Variants in GALNT18 observed in about 807,000 individuals in gnomAD.
GALNT18 encodes GalNAc-transferase 18.
GALNT18 carries 44 observed loss-of-function variants against 69.5 expected under a neutral mutation model. That is an observed-to-expected ratio of 0.63 (90% confidence interval 0.50 to 0.81). The LOEUF (loss-of-function observed/expected upper bound fraction) is 0.81. Ranked by LOEUF, GALNT18 falls within the 40% of genes least tolerant of loss-of-function variation. GALNT18 has a pLI of 0.00. For missense variants in GALNT18, 715 were observed against 810.0 expected (o/e 0.88, Z 1.42); for synonymous variants, 364 against 318.2 (o/e 1.14, Z -1.53).
intron 1 of GALNT18, among the ~76,000 whole-genome samples, chr11:11,450,508 A>T (rs925664559): frequency 2.6e-5 from 4 of 152,212 alleles, no homozygotes; most frequent in Non-Finnish European, 4.4e-5. Flanking sequence ...GGCTATCAAG[A>T]GTAGAAGGGG....
chr11:11,350,023 T>C (rs1268247594), intron 6 of GALNT18, among the ~76,000 whole-genome samples: 1 of 152,226 alleles, frequency 6.6e-6, no homozygotes, highest in African/African-American at 2.4e-5. Flanking sequence ...AAGCAGTTCC[T>C]CTGTTTGAAA....
At position 11,318,916 on chromosome 11, in the gene GALNT18, T is replaced by C. The variant is rs1185107929; in HGVS notation, c.1512+8170A>G. On this transcript the variant is annotated intron_variant, in intron 9 of 10. Transcript: ENST00000227756. The surrounding 1 kb of genome is among the most constrained non-coding windows in gnomAD (Gnocchi z 5.1). ...TGATTCTCTCTCAGACACTATGAAG[T>C]TGTATGCTAACTCCTAGATTTCTGT... Among the ~76,000 whole-genome samples the C allele has an allele frequency of 6.6e-6, 1 of 152,200 alleles. No homozygotes were observed.
chr11:11,359,701 C>T (rs895848470), intron 6 of GALNT18, among the ~76,000 whole-genome samples: 52 of 152,294 alleles, frequency 3.4e-4, no homozygotes, highest in African/African-American at 1.3e-3. Flanking sequence ...TGAAATGGTA[C>T]GGTGGTCATT....
intron 1 of GALNT18, among the ~76,000 whole-genome samples, chr11:11,477,287 G>A (rs962627710): frequency 6.6e-6 from 1 of 152,238 alleles, no homozygotes; most frequent in African/African-American, 2.4e-5. Flanking sequence ...AAGCCACTAT[G>A]AGGGACCAAA....
chr11:11,581,892 A>G (rs888985184), intron 1 of GALNT18, among the ~76,000 whole-genome samples: 6 of 151,996 alleles, frequency 3.9e-5, no homozygotes, highest in African/African-American at 1.4e-4. Context: ...TCAACATCTA[A>G]TTATTGAAAG....
chr11:11,270,985 C>T lies in GALNT18; in HGVS notation c.*159G>A. The stretch of plus-strand genomic sequence containing the variant: ...CCATCACCTACCAATCAGCATCTTT[C>T]TATAAACTCCATGAAAATTGAATAG... On this transcript the variant is annotated 3_prime_UTR_variant, in exon 11 of 11. Transcript: ENST00000227756. The T allele has an allele frequency of 1.7e-6, 1 of 595,728 alleles. No individual in the cohort carries two copies. Among genetic ancestry groups the T allele is most frequent in the Non-Finnish European group, 2.8e-6 (1 of 352,284 alleles). The allele number at this position is 595,728 out of a possible 1,614,324, so 36.9% of individuals were successfully genotyped here. A position where few individuals can be genotyped will look rare whatever the true frequency, so the allele number is the denominator to read the frequency against.
chr11:11,480,060 A>G lies in GALNT18; in HGVS notation c.236-31124T>C, dbSNP rs1410816068. ...AGATGGGAGAGTTTGTAGATCTTGG[A>G]GCGGGGAGGGGGTACAGGAGGCAGA... On this transcript the variant is annotated intron_variant, in intron 1 of 10. Coordinates refer to ENST00000227756, the MANE Select transcript of GALNT18 (RefSeq NM_198516.3). The surrounding 1 kb of genome is among the most constrained non-coding windows in gnomAD (Gnocchi z 4.6). Among the ~76,000 whole-genome samples, 1 of 151,834 alleles carries G rather than the reference A, an allele frequency of 6.6e-6. No individual in the cohort carries two copies. Among genetic ancestry groups the G allele is most frequent in the Non-Finnish European group, 1.5e-5 (1 of 67,932 alleles).
At chr11:11,374,910 AT>A (rs1853704565) in intron 5 of GALNT18, among the ~76,000 whole-genome samples, 1 of 152,244 alleles carries the variant, frequency 6.6e-6, no homozygotes, top group Non-Finnish European at 1.5e-5. Flanking sequence ...CAAAGTGGAA[AT>A]GAACACACAT....
Position 11,389,239 on chromosome 11 carries a change from T to C in GALNT18, c.596-9975A>G, listed in dbSNP as rs116175503. The stretch of plus-strand genomic sequence containing the variant: ...GCTTGCCTCTGAAGACTTGGCTCTT[T>C]TCCAGTCTGTCCAGCAGCCTTCCGA... On this transcript the variant is annotated intron_variant, in intron 3 of 10. Coordinates refer to ENST00000227756, the MANE Select transcript of GALNT18 (RefSeq NM_198516.3). The surrounding 1 kb of genome is among the most constrained non-coding windows in gnomAD (Gnocchi z 4.3). 9.5e-3 allele frequency among the ~76,000 whole-genome samples: 1,446 copies of C among 152,352 alleles called. 26 individuals carry two copies. Among genetic ancestry groups the C allele is most frequent in the African/African-American group, 0.033 (1,382 of 41,588 alleles).
chr11:11,286,281 A>AT (rs1222742443), intron 10 of GALNT18, among the ~76,000 whole-genome samples: 1 of 152,248 alleles, frequency 6.6e-6, no homozygotes, highest in Non-Finnish European at 1.5e-5. Context: ...TTAGTATAAA[A>AT]TATTTCCACC....
intron 9 of GALNT18, among the ~76,000 whole-genome samples, chr11:11,294,308 G>GT (rs768523016): frequency 8.5e-5 from 13 of 152,186 alleles, no homozygotes; most frequent in East Asian, 1.9e-4. Flanking sequence ...CAGCACCAGG[G>GT]TTTTTTACTG....
chr11:11,517,164 C>G (rs1352421622), intron 1 of GALNT18, among the ~76,000 whole-genome samples: 1 of 152,214 alleles, frequency 6.6e-6, no homozygotes, highest in Non-Finnish European at 1.5e-5. Context: ...GCCTCCAGAA[C>G]TATAAAAAAC....
chr11:11,576,511 AC>A (rs1452281828), intron 1 of GALNT18, among the ~76,000 whole-genome samples: 3 of 152,234 alleles, frequency 2.0e-5, no homozygotes, highest in Non-Finnish European at 4.4e-5. Context: ...GCAGGCATGT[AC>A]TCTAGGTCAT....
In GALNT18 at chr11:11,622,002, C is replaced by CCGCGGT. The variant is rs1490940239; in HGVS notation, c.-410_-409insACCGCG. On this transcript the variant is annotated 5_prime_UTR_variant, in exon 1 of 11. Coordinates refer to ENST00000227756, the MANE Select transcript of GALNT18 (RefSeq NM_198516.3). The stretch of plus-strand genomic sequence containing the variant: ...CGACCGGCCCGCGCTGCTAGGAGAA[C>CCGCGGT]AGCGGCAGCGGCAGCGGCGGCGGGG... The CCGCGGT allele has an allele frequency of 6.2e-6, 1 of 161,114 alleles. No homozygotes were observed. The highest frequency in any genetic ancestry group is 2.4e-5 in the African/African-American group (1 of 41,616). 10.0% of individuals were successfully genotyped at this position (161,114 alleles called of 1,614,324 possible). A position where few individuals can be genotyped will look rare whatever the true frequency, so the allele number is the denominator to read the frequency against.
rs1850137944 is a variant in GALNT18 at position 11,337,774 on chromosome 11, G to A, written c.1278+3045C>T. On this transcript the variant is annotated intron_variant, in intron 7 of 10. Coordinates refer to ENST00000227756, the MANE Select transcript of GALNT18 (RefSeq NM_198516.3). This position sits in a 1 kb window ranked among gnomAD's most constrained non-coding sequence, Gnocchi z 4.9. ...AGAAACAGCATGGCATGGACGGTAT[G>A]TAATGGGCAGTTCCCATAGTCCACG... is the stretch of plus-strand genomic sequence containing the variant. Among the ~76,000 whole-genome samples, 1 of 152,068 alleles carries A rather than the reference G, an allele frequency of 6.6e-6. No homozygotes were observed. Among genetic ancestry groups the A allele is most frequent in the African/African-American group, 2.4e-5 (1 of 41,392 alleles).
intron 1 of GALNT18, among the ~76,000 whole-genome samples, chr11:11,571,899 C>T (rs993987546): frequency 4.6e-5 from 7 of 152,238 alleles, no homozygotes; most frequent in African/African-American, 1.4e-4. Flanking sequence ...TCCAGAGTCC[C>T]TTTCCTGTCC....
intron 9 of GALNT18, among the ~76,000 whole-genome samples, chr11:11,316,019 C>T (rs945783666): frequency 6.6e-6 from 1 of 152,168 alleles, no homozygotes; most frequent in Non-Finnish European, 1.5e-5. Context: ...GCTCAGAGGA[C>T]AATAAATACA....
chr11:11,476,844 C>T (rs962702937), intron 1 of GALNT18, among the ~76,000 whole-genome samples: 1 of 152,166 alleles, frequency 6.6e-6, no homozygotes, highest in African/African-American at 2.4e-5. Flanking sequence ...ACCAGATGCC[C>T]AAGCAAGTTC....
At position 11,293,035 on chromosome 11, in the gene GALNT18, G is replaced by A. The variant is rs148153149; in HGVS notation, c.1671C>T (p.Phe557=). 106 of 1,376,430 alleles carry A rather than the reference G, an allele frequency of 7.7e-5. No individual in the cohort carries two copies. The African/African-American group carries it at 1.4e-3, about 18-fold the overall frequency. The allele number at this position is 1,376,430 out of a possible 1,614,324, so 85.3% of individuals were successfully genotyped here. The part of the protein sequence containing the change: ...KAKRMKLHWQ[F]SQGGPIQNRK... ...CGGGCTCTGGGGCTGTTACCTGAGAGAACTGCCAGTGAAGCTTCATCCTCT... is the reference window on the plus strand; with the variant it reads ...CGGGCTCTGGGGCTGTTACCTGAGAAAACTGCCAGTGAAGCTTCATCCTCT... Residue 557 remains phenylalanine (F), a synonymous_variant, in exon 10 of 11, where the codon TTC becomes TTT. Transcript: ENST00000227756.
Sources: gnomAD v4.1 joint callset for allele counts (sites outside exome capture counted in the v4.1 genomes callset) on GRCh38, gnomAD v4.1.1 for gene constraint, Gnocchi (gnomAD v3.1) non-coding constraint, MANE v1.5 for transcripts, NCBI Gene and HGNC (gene_info 2026-07-23, HGNC 2026-07-21) for gene names.